The following ITSN1 variants were observed in gnomAD, a reference collection of about 807,000 sequenced individuals.
ITSN1 encodes intersectin 1.
A neutral mutation model predicts 239.8 loss-of-function variants in ITSN1; 58 were observed. The ratio of observed to expected loss-of-function variants is 0.24; its 90% CI spans 0.20 to 0.30. The LOEUF is 0.30. Among genes scored for constraint, ITSN1 ranks in the 10% least tolerant of loss-of-function variants. The probability of loss-of-function intolerance (pLI) is 1.00; values close to 1 mark genes in which losing one functional copy is unlikely to be tolerated. For missense variants in ITSN1, 1,558 were observed against 2,103.3 expected (o/e 0.74, Z 5.07); for synonymous variants, 780 against 770.8 (o/e 1.01, Z -0.20).
intron 1 of ITSN1, among the ~76,000 whole-genome samples, chr21:33,698,433 G>C (rs1473521437): frequency 1.3e-5 from 2 of 152,232 alleles, no homozygotes; most frequent in Non-Finnish European, 2.9e-5. Context: ...TAGTTTGTCA[G>C]ATATAATGTG....
intron 20 of ITSN1, among the ~76,000 whole-genome samples, chr21:33,807,874 G>A (rs1003624509): frequency 1.3e-5 from 2 of 152,186 alleles, no homozygotes; most frequent in African/African-American, 4.8e-5. Flanking sequence ...TTGTTACCTA[G>A]AGTGAAGGTA....
At chr21:33,762,302 A>G (rs1487975980) in intron 9 of ITSN1, among the ~76,000 whole-genome samples, 1 of 148,326 alleles carries the variant, frequency 6.7e-6, no homozygotes, top group African/African-American at 2.5e-5. Context: ...GTTTTACTCT[A>G]GTTGCCCAGG....
At chr21:33,672,736 G>A (rs1370452921) in intron 1 of ITSN1, among the ~76,000 whole-genome samples, 5 of 149,254 alleles carry the variant, frequency 3.3e-5, no homozygotes, top group South Asian at 2.1e-4. Context: ...TTTTTGAGAC[G>A]GAGTCTCCTT....
chr21:33,801,811 A>G (rs976254520), intron 19 of ITSN1, among the ~76,000 whole-genome samples: 9 of 152,178 alleles, frequency 5.9e-5, no homozygotes, highest in African/African-American at 1.7e-4. Flanking sequence ...TACAGAAAGA[A>G]CTGTTGGTTT....
intron 1 of ITSN1, among the ~76,000 whole-genome samples, chr21:33,693,873 A>C (rs1457550346): frequency 6.6e-6 from 1 of 152,252 alleles, no homozygotes; most frequent in African/African-American, 2.4e-5. Context: ...TCATAGTAAA[A>C]GTTTTATATA....
intron 20 of ITSN1, among the ~76,000 whole-genome samples, chr21:33,806,625 G>A (rs1169435238): frequency 1.3e-5 from 2 of 152,218 alleles, no homozygotes; most frequent in Non-Finnish European, 2.9e-5. Context: ...ACATTTAGTA[G>A]AGCAGCTCTG....
intron 29 of ITSN1, among the ~76,000 whole-genome samples, chr21:33,849,637 C>T (rs2148456572): frequency 6.6e-6 from 1 of 150,480 alleles, no homozygotes; most frequent in South Asian, 2.1e-4. Context: ...TTTAATTGTA[C>T]ATTTAAAAAT....
chr21:33,682,210 T>C (rs2091001285), intron 1 of ITSN1, among the ~76,000 whole-genome samples: 1 of 151,740 alleles, frequency 6.6e-6, no homozygotes, highest in South Asian at 2.1e-4. Flanking sequence ...AATTCCTTTC[T>C]TTCTTTTCTT....
intron 20 of ITSN1, among the ~76,000 whole-genome samples, chr21:33,803,368 G>A (rs929793519): frequency 6.6e-6 from 1 of 152,140 alleles, no homozygotes; most frequent in South Asian, 2.1e-4. Context: ...GCACAAATAT[G>A]TGTGTACATG....
At chr21:33,726,899 T>C (rs2065865458) in intron 4 of ITSN1, among the ~76,000 whole-genome samples, 1 of 152,262 alleles carries the variant, frequency 6.6e-6, no homozygotes, top group Non-Finnish European at 1.5e-5. Context: ...TGTTCTGGAC[T>C]TTGTTTCAAA....
chr21:33,759,443 G>A (rs1433323782), intron 8 of ITSN1, among the ~76,000 whole-genome samples: 3 of 152,162 alleles, frequency 2.0e-5, no homozygotes, highest in Admixed American at 1.3e-4. Context: ...GGCTTTTTAT[G>A]TGTAATAGAT....
rs1423353998 is a variant in ITSN1, at chr21:33,890,388, G to A, written c.*2088G>A. On this transcript the variant is annotated 3_prime_UTR_variant, in exon 40 of 40. Coordinates refer to ENST00000381318, the MANE Select transcript of ITSN1 (RefSeq NM_003024.3). ...TCATTGTTCATGTAGGTAGCGTATG[G>A]TATGCACAATGACAAACAATCGTTT... The A allele has an allele frequency of 1.3e-5, 2 of 152,162 alleles. No individual in the cohort carries two copies. The highest frequency in any genetic ancestry group is 2.9e-5 in the Non-Finnish European group (2 of 68,020). The allele number at this position is 152,162 out of a possible 1,614,324, so 9.4% of individuals were successfully genotyped here.
chr21:33,837,152 T>C (rs780051099), intron 29 of ITSN1: 3 of 1,381,766 alleles, frequency 2.2e-6, no homozygotes, highest in Admixed American at 2.7e-5. Flanking sequence ...CAGAGCAGTT[T>C]ACCTCATTTT....
At chr21:33,776,559 AAAG>A (rs1347612366) in intron 14 of ITSN1, among the ~76,000 whole-genome samples, 3 of 151,138 alleles carry the variant, frequency 2.0e-5, no homozygotes, top group Non-Finnish European at 4.4e-5. Flanking sequence ...AAAAAAAAAA[AAAG>A]AGAGAGAAAA....
At chr21:33,861,952 T>A (rs3930307) in intron 31 of ITSN1, among the ~76,000 whole-genome samples, 28,625 of 63,732 alleles carry the variant, frequency 0.45, 3,632 homozygotes, top group East Asian at 0.55. Context: ...TCTCAAAAAA[T>A]AAATAAATAA....
chr21:33,870,554 T>G (rs552868143), intron 33 of ITSN1, among the ~76,000 whole-genome samples: 179 of 152,318 alleles, frequency 1.2e-3, no homozygotes, highest in Middle Eastern at 6.8e-3. Flanking sequence ...GATACTGATG[T>G]GGAGAAATTC....
intron 20 of ITSN1, among the ~76,000 whole-genome samples, chr21:33,805,311 T>A (rs548249007): frequency 4.6e-5 from 7 of 152,244 alleles, no homozygotes; most frequent in African/African-American, 7.2e-5. Context: ...GTGTTACTCT[T>A]ATAACAATTT....
chr21:33,839,498 G>T (rs917687939), intron 29 of ITSN1, among the ~76,000 whole-genome samples: 3 of 152,146 alleles, frequency 2.0e-5, no homozygotes, highest in African/African-American at 7.2e-5. Context: ...AAGGCCCAGG[G>T]GTGGGCGGGG....
At chr21:33,648,909 GGAGA>G (rs549065038) in intron 1 of ITSN1, among the ~76,000 whole-genome samples, 1 of 151,976 alleles carries the variant, frequency 6.6e-6, no homozygotes, top group Admixed American at 6.6e-5. Flanking sequence ...GAAAGAAAGA[GGAGA>G]GAGAGAAAAA....
Sources: allele counts gnomAD v4.1 joint callset (sites outside exome capture counted in the v4.1 genomes callset), GRCh38; gene constraint gnomAD v4.1.1; transcripts MANE v1.5; gene names NCBI Gene and HGNC (gene_info 2026-07-23, HGNC 2026-07-21).